The following NAALADL2 variants were observed in gnomAD, a reference collection of about 807,000 sequenced individuals.
NAALADL2 encodes N-acetylated alpha-linked acidic dipeptidase like 2.
In NAALADL2, 76 loss-of-function variants were observed where a neutral mutation model predicts 87.2. That is an observed-to-expected ratio of 0.87 (90% CI 0.72 to 1.05). NAALADL2 has a LOEUF of 1.05. Among genes scored for constraint, NAALADL2 ranks in the 50% least tolerant of loss-of-function variants. The pLI is 0.00. For synonymous variants in NAALADL2, 354 were observed against 331.0 expected, an observed-to-expected ratio of 1.07 and a Z score of -0.75; for missense variants, 1,089 against 945.8, an observed-to-expected ratio of 1.15 and a Z score of -1.99.
chr3:175,190,827 A>T (rs986076765), intron 2 of NAALADL2, among the ~76,000 whole-genome samples: 1 of 151,854 alleles, frequency 6.6e-6, no homozygotes, highest in Non-Finnish European at 1.5e-5. Context: ...ATACAAAAAA[A>T]ATTAGCCGGG....
chr3:175,593,739 T>C (rs1333040236), intron 10 of NAALADL2, among the ~76,000 whole-genome samples: 1 of 150,394 alleles, frequency 6.6e-6, no homozygotes, highest in Non-Finnish European at 1.5e-5. Context: ...TCCAAATTTC[T>C]TCTAAGGATG....
chr3:175,745,087 C>T (rs1333698489), intron 12 of NAALADL2, among the ~76,000 whole-genome samples: 1 of 152,120 alleles, frequency 6.6e-6, no homozygotes, highest in Non-Finnish European at 1.5e-5. Flanking sequence ...TGACAACCAG[C>T]CATCTTGTTT....
chr3:175,541,339 A>T (rs6443311), intron 9 of NAALADL2, among the ~76,000 whole-genome samples: 1 of 152,142 alleles, frequency 6.6e-6, no homozygotes, highest in African/African-American at 2.4e-5. Flanking sequence ...AAATATAAGT[A>T]AAAAATGCAT....
intron 1 of NAALADL2, among the ~76,000 whole-genome samples, chr3:175,081,544 A>T (rs902717626): frequency 1.3e-5 from 2 of 152,088 alleles, no homozygotes; most frequent in African/African-American, 4.8e-5. Flanking sequence ...TTATCCTACC[A>T]ATCTAAATTT....
intron 1 of NAALADL2, among the ~76,000 whole-genome samples, chr3:174,891,813 C>T (rs1730897823): frequency 6.6e-6 from 1 of 152,102 alleles, no homozygotes; most frequent in South Asian, 2.1e-4. Flanking sequence ...TACTGAGACA[C>T]CAAGTATGGC....
chr3:174,490,979 A>T (rs1260790713), intron 1 of NAALADL2, among the ~76,000 whole-genome samples: 1 of 152,158 alleles, frequency 6.6e-6, no homozygotes, highest in East Asian at 1.9e-4. Flanking sequence ...TTATATGTGT[A>T]TAAAATACTT....
intron 1 of NAALADL2, among the ~76,000 whole-genome samples, chr3:174,476,521 G>C (rs1172564617): frequency 6.6e-6 from 1 of 151,580 alleles, no homozygotes; most frequent in Non-Finnish European, 1.5e-5. Context: ...TTTTTTCAAT[G>C]CTTATTCAAA....
chr3:174,970,399 C>T (rs1157352547), intron 1 of NAALADL2, among the ~76,000 whole-genome samples: 1 of 152,042 alleles, frequency 6.6e-6, no homozygotes, highest in Non-Finnish European at 1.5e-5. Flanking sequence ...GACTAAAGAC[C>T]TGGATTAGCA....
At chr3:175,247,869 C>A (rs1366139603) in intron 3 of NAALADL2, among the ~76,000 whole-genome samples, 1 of 152,162 alleles carries the variant, frequency 6.6e-6, no homozygotes, top group African/African-American at 2.4e-5. Flanking sequence ...AGAATTTTGA[C>A]TTTTATCATC....
intron 3 of NAALADL2, among the ~76,000 whole-genome samples, chr3:174,778,681 A>G (rs541502028): frequency 6.6e-6 from 1 of 151,902 alleles, no homozygotes. Context: ...CCCTGTGTCC[A>G]TATGTTCTCA....
intron 10 of NAALADL2, among the ~76,000 whole-genome samples, chr3:175,597,432 A>G (rs998428158): frequency 1.3e-5 from 2 of 151,868 alleles, no homozygotes; most frequent in African/African-American, 2.4e-5. Context: ...TAGGAATCAA[A>G]CTCCCTGGAT....
At chr3:175,134,019 A>G (rs1249435716) in intron 2 of NAALADL2, among the ~76,000 whole-genome samples, 1 of 152,152 alleles carries the variant, frequency 6.6e-6, no homozygotes, top group Non-Finnish European at 1.5e-5. Context: ...GCCTGTGACT[A>G]GTGGTTTTCT....
intron 2 of NAALADL2, among the ~76,000 whole-genome samples, chr3:174,729,860 T>C (rs1016181299): frequency 2.6e-5 from 4 of 151,898 alleles, no homozygotes; most frequent in Admixed American, 1.3e-4. Flanking sequence ...ATCATGGCAA[T>C]TAGATATGCA....
At chr3:175,772,562 G>A (rs1749645152) in intron 13 of NAALADL2, among the ~76,000 whole-genome samples, 2 of 152,246 alleles carry the variant, frequency 1.3e-5, no homozygotes, top group South Asian at 4.1e-4. Flanking sequence ...TCCAAAATTA[G>A]TTAAATCAGA....
intron 3 of NAALADL2, among the ~76,000 whole-genome samples, chr3:174,749,315 A>G (rs557453212): frequency 1.3e-5 from 2 of 152,266 alleles, no homozygotes; most frequent in Admixed American, 6.5e-5. Context: ...CAATATTCAG[A>G]ATGTTAAACT....
At chr3:175,663,258 T>G (rs1264041588) in intron 11 of NAALADL2, among the ~76,000 whole-genome samples, 1 of 151,700 alleles carries the variant, frequency 6.6e-6, no homozygotes, top group Non-Finnish European at 1.5e-5. Context: ...TTTCTATTTC[T>G]TTATGGTTGA....
chr3:175,627,891 C>T (rs891457062), intron 11 of NAALADL2, among the ~76,000 whole-genome samples: 44 of 151,530 alleles, frequency 2.9e-4, no homozygotes, highest in Non-Finnish European at 4.4e-4. Context: ...ACAAAGTGGA[C>T]CTTTGCATTT....
intron 2 of NAALADL2, among the ~76,000 whole-genome samples, chr3:174,736,723 C>G (rs1733242866): frequency 6.6e-6 from 1 of 152,144 alleles, no homozygotes; most frequent in African/African-American, 2.4e-5. Context: ...CAGCCCAGCC[C>G]CCAGGCTTCA....
At position 175,190,559 on chromosome 3, in the gene NAALADL2, G is replaced by A. The variant is rs555452928; in HGVS notation, c.546-43372G>A. ...CAAGAGATAATAAATGTTGGCAAGG[G>A]TGTGAAGAAAAGAGGACTCTTGATG... On this transcript the variant is annotated intron_variant, in intron 2 of 13. Coordinates refer to ENST00000454872, the MANE Select transcript of NAALADL2 (RefSeq NM_207015.3). 4.5e-4 allele frequency among the ~76,000 whole-genome samples: 69 copies of A among 152,278 alleles called. 1 individual carries two copies. Among genetic ancestry groups the A allele is most frequent in the African/African-American group, 1.6e-3 (65 of 41,568 alleles).
Sources: gnomAD v4.1 joint callset for allele counts (sites outside exome capture counted in the v4.1 genomes callset) on GRCh38, gnomAD v4.1.1 for gene constraint, MANE v1.5 for transcripts, NCBI Gene and HGNC (gene_info 2026-07-23, HGNC 2026-07-21) for gene names.